The following HIF3A variants were observed in gnomAD, a reference collection of about 807,000 sequenced individuals.
The protein encoded by HIF3A is hypoxia inducible factor 3 subunit alpha, also known as hypoxia-inducible factor 3-alpha.
HIF3A carries 41 observed loss-of-function variants against 67.2 expected under a neutral mutation model. That is an observed-to-expected ratio of 0.61 (90% CI 0.48 to 0.79). The LOEUF (loss-of-function observed/expected upper bound fraction) is 0.79, where lower values mean the gene tolerates loss of function less well. HIF3A is among the 30% of genes least tolerant of loss of function. The pLI is 0.00. For synonymous variants in HIF3A, 356 were observed against 374.8 expected (o/e 0.95, Z 0.58); for missense variants, 855 against 898.0 (o/e 0.95, Z 0.61).
chr19:46,333,366 C>G (rs1568546448), intron 13 of HIF3A, among the ~76,000 whole-genome samples: 1 of 152,140 alleles, frequency 6.6e-6, no homozygotes, highest in Non-Finnish European at 1.5e-5. Context: ...AAGTGGGCAT[C>G]AGCCCTGGCC....
At position 46,312,631 on chromosome 19, in the gene HIF3A, G is replaced by A. The variant is rs751615330; in HGVS notation, c.1003G>A (p.Val335Ile). ...ACGGGGCCCCCAGTCGGAGAGTATC[G>A]TCTGTGTCCATTTTTTAATCAGGTA... ...GGRGPQSESI[V>I]CVHFLISQVE... is the part of the protein sequence containing the mutation. Residue 335 changes from valine to isoleucine, a missense_variant, in exon 8 of 15, where the codon GTC (valine) becomes ATC (isoleucine). Val to Ile is a conservative substitution (Grantham distance 29, BLOSUM62 3). Coordinates refer to ENST00000377670, the MANE Select transcript of HIF3A (RefSeq NM_152795.4). 1.8e-5 allele frequency: 28 copies of A among 1,567,454 alleles called. No homozygotes were observed. The highest frequency in any genetic ancestry group is 5.4e-5 in the African/African-American group (4 of 73,462).
intron 5 of HIF3A, 51 bp downstream of exon 5, chr19:46,308,826 G>T: frequency 7.9e-7 from 1 of 1,258,686 alleles, no homozygotes; most frequent in South Asian, 1.3e-5. Context: ...CTGGGTGTGA[G>T]CCCTGAAAGA....
intron 8 of HIF3A, among the ~76,000 whole-genome samples, chr19:46,314,961 T>C: frequency 6.8e-6 from 1 of 147,366 alleles, no homozygotes; most frequent in East Asian, 2.2e-4. Flanking sequence ...GTTTTGCTTT[T>C]TCCAGAGGGT....
chr19:46,298,002 C>T (rs1967991971), intron 1 of HIF3A, among the ~76,000 whole-genome samples: 1 of 152,146 alleles, frequency 6.6e-6, no homozygotes, highest in African/African-American at 2.4e-5. Context: ...CCAGCAGGTG[C>T]AGCTCTGCTG....
chr19:46,323,493 G>A (rs1405374119), intron 10 of HIF3A, among the ~76,000 whole-genome samples: 3 of 152,026 alleles, frequency 2.0e-5, no homozygotes, highest in Non-Finnish European at 2.9e-5. Context: ...ACAAAAGACT[G>A]TTAGAACTGT....
Position 46,321,966 on chromosome 19 carries a change from G to T in HIF3A, c.1335G>T (p.Ser445=). The change falls in exon 10 of 15, where the codon TCG becomes TCT. Residue 445 remains serine, a splice_region_variant and synonymous_variant. Coordinates refer to ENST00000377670, the MANE Select transcript of HIF3A (RefSeq NM_152795.4). ...LATRHPQSPL[S]ADLPDELPVG... ...CACGGCACCCCCAAAGTCCTCTTTCGGTAAGCCATCCCACCCATGTGAGCC... is the reference window on the plus strand; with the variant it reads ...CACGGCACCCCCAAAGTCCTCTTTCTGTAAGCCATCCCACCCATGTGAGCC... 4 of 1,613,464 alleles carry T rather than the reference G, an allele frequency of 2.5e-6. No individual in the cohort carries two copies. The highest frequency in any genetic ancestry group is 2.5e-6 in the Non-Finnish European group (3 of 1,179,756).
intron 6 of HIF3A, among the ~76,000 whole-genome samples, chr19:46,311,402 A>T (rs1163448172): frequency 6.6e-6 from 1 of 152,170 alleles, no homozygotes; most frequent in African/African-American, 2.4e-5. Context: ...ATCAGCCTGG[A>T]CAGCATAGTG....
chr19:46,319,204 G>A (rs977990874), intron 8 of HIF3A, among the ~76,000 whole-genome samples: 2 of 152,154 alleles, frequency 1.3e-5, no homozygotes, highest in Admixed American at 1.3e-4. Flanking sequence ...TACCGAGTGT[G>A]TATACAAGTT....
intron 8 of HIF3A, among the ~76,000 whole-genome samples, chr19:46,315,866 A>G (rs1386441425): frequency 6.6e-6 from 1 of 152,126 alleles, no homozygotes; most frequent in Non-Finnish European, 1.5e-5. Flanking sequence ...GTGAGCTGAG[A>G]TCACACCGCT....
In HIF3A at chr19:46,332,300, G is replaced by A. The variant is rs151317086; in HGVS notation, c.1830+1027G>A. On this transcript the variant is annotated intron_variant, in intron 13 of 14. Transcript: ENST00000377670. ...TATATTCCTAGCACTTTGGGAGGCC[G>A]AGGTGGGTGGATCACCTGAGGTCAG... Among the ~76,000 whole-genome samples the A allele has an allele frequency of 3.5e-3, 539 of 152,158 alleles. 2 individuals carry two copies. The highest frequency in any genetic ancestry group is 0.012 in the African/African-American group (492 of 41,498).
chr19:46,313,239 A>T, intron 8 of HIF3A: 1 of 882,546 alleles, frequency 1.1e-6, no homozygotes, highest in Non-Finnish European at 1.3e-6. Flanking sequence ...CAACAGAGCG[A>T]GACTCTGTCT....
In HIF3A at chr19:46,305,761, A is replaced by G. The variant is rs867868986; in HGVS notation, c.363+371A>G. Among the ~76,000 whole-genome samples the G allele has an allele frequency of 1.1e-4, 17 of 150,426 alleles. No individual in the cohort carries two copies. The South Asian group carries it at 1.7e-3, about 15-fold the overall frequency. On this transcript the variant is annotated intron_variant, in intron 3 of 14. Coordinates refer to ENST00000377670, the MANE Select transcript of HIF3A (RefSeq NM_152795.4). ...AGGAGGCAAAGGCCAAGAGGTGAGG[A>G]AAAAAAAACAGAATAATTTGGGGAA... is the stretch of plus-strand genomic sequence containing the variant.
At chr19:46,303,230 G>A (rs1968492805) in intron 1 of HIF3A, among the ~76,000 whole-genome samples, 1 of 152,180 alleles carries the variant, frequency 6.6e-6, no homozygotes, top group Admixed American at 6.5e-5. Flanking sequence ...CTGATAAAAC[G>A]ACACTTATTC....
At chr19:46,338,640 C>T in intron 14 of HIF3A, 1 of 523,468 alleles carries the variant, frequency 1.9e-6, no homozygotes, top group Non-Finnish European at 2.6e-6. Context: ...TGGATTTACT[C>T]ATTTATTCCT....
At chr19:46,310,460 A>G (rs1358098244) in intron 6 of HIF3A, 1 of 326,612 alleles carries the variant, frequency 3.1e-6, no homozygotes, top group Non-Finnish European at 6.1e-6. Flanking sequence ...CCTTCCTTTC[A>G]TCTCTTTTTC....
intron 14 of HIF3A, among the ~76,000 whole-genome samples, 166 bp from the exon 15 acceptor site, chr19:46,339,359 A>G (rs751145169): frequency 4.6e-5 from 7 of 152,248 alleles, no homozygotes; most frequent in Non-Finnish European, 5.9e-5. Context: ...CAACTAGCCA[A>G]AGAGGCACCC....
chr19:46,318,548 C>CAAAAAAAAAA (rs908312286), intron 8 of HIF3A, among the ~76,000 whole-genome samples: 1 of 54,084 alleles, frequency 1.8e-5, no homozygotes, highest in African/African-American at 7.3e-5. Flanking sequence ...GATCCTGTCT[C>CAAAAAAAAAA]AAAAAAAAAA....
At chr19:46,306,128 G>C (rs115314113) in intron 3 of HIF3A, among the ~76,000 whole-genome samples, 2,722 of 152,250 alleles carry the variant, frequency 0.018, 84 homozygotes, top group African/African-American at 0.059. Context: ...TAGGTGCAGA[G>C]TGCAATAGGA....
In HIF3A at chr19:46,312,209, C is replaced by T. The variant is rs1175835929; in HGVS notation, c.819C>T (p.Ser273=). The change falls in exon 7 of 15, where the codon TCC becomes TCT. Residue 273 remains serine, a synonymous_variant. Transcript: ENST00000377670. ...GTCCCGATGACCTGATCGGCTGTTCCGCCTACGAGTACATCCACGCGCTGG... is the reference window on the plus strand; with the variant it reads ...GTCCCGATGACCTGATCGGCTGTTCTGCCTACGAGTACATCCACGCGCTGG... ...GYSPDDLIGC[S]AYEYIHALDS... The T allele has an allele frequency of 6.8e-6, 11 of 1,613,876 alleles. No homozygotes were observed. The highest frequency in any genetic ancestry group is 1.6e-4 in the Middle Eastern group (1 of 6,084).
Sources: allele counts gnomAD v4.1 joint callset (sites outside exome capture counted in the v4.1 genomes callset), GRCh38; gene constraint gnomAD v4.1.1; transcripts MANE v1.5; gene names NCBI Gene and HGNC (gene_info 2026-07-23, HGNC 2026-07-21).